BRSK1: variants seen among roughly 807,000 people sequenced by gnomAD.
The protein encoded by BRSK1 is serine/threonine-protein kinase BRSK1.
A neutral mutation model predicts 86.2 loss-of-function variants in BRSK1; 17 were observed. The ratio of observed to expected loss-of-function variants is 0.20; its 90% CI spans 0.14 to 0.30. BRSK1 has a LOEUF of 0.30. Ranked by LOEUF, BRSK1 falls within the 10% of genes least tolerant of loss-of-function variation. The probability of loss-of-function intolerance (pLI) is 1.00; values close to 1 mark genes in which losing one functional copy is unlikely to be tolerated. For missense variants in BRSK1, 719 were observed against 1,071.9 expected (o/e 0.67, Z 4.60); for synonymous variants, 464 against 440.1 (o/e 1.05, Z -0.68).
chr19:55,297,945 T>TG (rs143114704), intron 7 of BRSK1, among the ~76,000 whole-genome samples: 12,680 of 152,168 alleles, frequency 0.083, 912 homozygotes, highest in African/African-American at 0.19. Context: ...CCCAAGTAGC[T>TG]GGGACTACAG....
chr19:55,293,940 C>A (rs1229097632), intron 4 of BRSK1, 77 bp from the exon 5 acceptor site: 7 of 1,252,854 alleles, frequency 5.6e-6, no homozygotes, highest in Non-Finnish European at 7.8e-6. Context: ...AGAAGTGTTC[C>A]ACTGTGAGAG....
rs1218744009 is a variant in BRSK1 at position 55,294,751 on chromosome 19, C to T, written c.678+354C>T. ...TCCTGACCTCAGGTGATCCACCTGC[C>T]TCTGCCTCCCAAAGTGCTGGGATTC... On this transcript the variant is annotated intron_variant, in intron 7 of 18. Coordinates refer to ENST00000309383, the MANE Select transcript of BRSK1 (RefSeq NM_032430.2). The surrounding 1 kb of genome is among the most constrained non-coding windows in gnomAD (Gnocchi z 4.9). Among the ~76,000 whole-genome samples, 1 of 152,114 alleles carries T rather than the reference C, an allele frequency of 6.6e-6. No homozygotes were observed. Among genetic ancestry groups the T allele is most frequent in the African/African-American group, 2.4e-5 (1 of 41,414 alleles).
chr19:55,308,599 G>T (rs2088703561), intron 17 of BRSK1, 40 bp from the exon 18 acceptor site: 1 of 1,540,726 alleles, frequency 6.5e-7, no homozygotes, highest in South Asian at 1.1e-5. Context: ...CCCGGTCCTG[G>T]ACCCCCAGTC....
chr19:55,289,711 T>A, intron 4 of BRSK1, 91 bp downstream of exon 4: 1 of 1,502,754 alleles, frequency 6.7e-7, no homozygotes, highest in Non-Finnish European at 8.9e-7. Flanking sequence ...AAAAGCCATG[T>A]GGTCGGCCCC....
At chr19:55,311,882 C>T in intron 18 of BRSK1, 29 bp from the exon 19 acceptor site, 1 of 1,608,434 alleles carries the variant, frequency 6.2e-7, no homozygotes, top group African/African-American at 1.3e-5. Flanking sequence ...GGCTGCGGAA[C>T]CCACGAAAAA....
intron 7 of BRSK1, among the ~76,000 whole-genome samples, chr19:55,300,531 C>T (rs910385212): frequency 2.0e-5 from 3 of 151,950 alleles, no homozygotes; most frequent in African/African-American, 7.3e-5. Flanking sequence ...GGTGAAACCC[C>T]ATCTCTGCTA....
chr19:55,284,164 C>CG lies in BRSK1; in HGVS notation c.-273dup. On this transcript the variant is annotated 5_prime_UTR_variant, in exon 1 of 19. The change abolishes the stop of an existing upstream ORF in the 5' untranslated region. Coordinates refer to ENST00000309383, the MANE Select transcript of BRSK1 (RefSeq NM_032430.2). ...CCCCGGCGGGGGGAGGCGCAGGAAG[C>CG]GGGGGGCCGGCCAGAAACGGGCTGG... 6.1e-6 allele frequency: 5 copies of CG among 819,962 alleles called. No homozygotes were observed. The highest frequency in any genetic ancestry group is 6.1e-5 in the South Asian group (1 of 16,330). 50.8% of individuals were successfully genotyped at this position (819,962 alleles called of 1,614,324 possible). A position where few individuals can be genotyped will look rare whatever the true frequency, so the allele number is the denominator to read the frequency against.
rs773608737 is a variant in BRSK1, at chr19:55,305,427, T to G, written c.1767-36T>G. 5 of 1,613,924 alleles carry G rather than the reference T, an allele frequency of 3.1e-6. No individual in the cohort carries two copies. In the Admixed American group the frequency reaches 8.3e-5, roughly 27 times the overall value. On this transcript the variant is annotated intron_variant, in intron 15 of 18. Coordinates refer to ENST00000309383, the MANE Select transcript of BRSK1 (RefSeq NM_032430.2). ...GCAGGGGATTCATGCCCTCGGCGCC[T>G]TCCTAACCCTCCTCCAACCACCCCC... is the stretch of plus-strand genomic sequence containing the variant.
chr19:55,302,588 G>A lies in BRSK1; in HGVS notation c.858-109G>A. 1 of 1,401,090 alleles carries A rather than the reference G, an allele frequency of 7.1e-7. No homozygotes were observed. The allele number at this position is 1,401,090 out of a possible 1,614,324, so 86.8% of individuals were successfully genotyped here. ...CTGGATTCCTGGGTATGAGAGAGAA[G>A]GGGCCGGGGCCTAGACTCGGATTTC... On this transcript the variant is annotated intron_variant, in intron 9 of 18. Coordinates refer to ENST00000309383, the MANE Select transcript of BRSK1 (RefSeq NM_032430.2). The surrounding 1 kb of genome is among the most constrained non-coding windows in gnomAD (Gnocchi z 6.3).
chr19:55,295,424 C>T (rs73053167), intron 7 of BRSK1, among the ~76,000 whole-genome samples: 137 of 152,302 alleles, frequency 9.0e-4, no homozygotes, highest in Non-Finnish European at 1.4e-3. Flanking sequence ...GAACCCAGCC[C>T]ATCTCTCGAA....
chr19:55,286,068 A>G (rs1600167855), intron 1 of BRSK1, among the ~76,000 whole-genome samples: 1 of 18,544 alleles, frequency 5.4e-5, no homozygotes, highest in African/African-American at 2.5e-4. Context: ...GGTCTGAGGG[A>G]GGAGGGGCTG....
intron 3 of BRSK1, 92 bp from the exon 4 acceptor site, chr19:55,289,388 C>A: frequency 6.9e-7 from 1 of 1,456,436 alleles, no homozygotes; most frequent in Non-Finnish European, 9.3e-7. Context: ...AATTGGAGTT[C>A]TCTGCCACCA....
chr19:55,301,761 C>A, intron 8 of BRSK1, 103 bp downstream of exon 8: 1 of 1,364,246 alleles, frequency 7.3e-7, no homozygotes, highest in Non-Finnish European at 9.9e-7. Flanking sequence ...GCTCGTCAGT[C>A]CCCAGGGTGA....
chr19:55,304,639 C>T lies in BRSK1; in HGVS notation c.1436C>T (p.Pro479Leu). 2 of 1,529,760 alleles carry T rather than the reference C, an allele frequency of 1.3e-6. No individual in the cohort carries two copies. The highest frequency in any genetic ancestry group is 1.2e-5 in the South Asian group (1 of 80,334). 94.8% of individuals were successfully genotyped at this position (1,529,760 alleles called of 1,614,324 possible). ...CCGACTTCCAAAACGCAGACGCTGC[C>T]TTCTCGGGGCCCCAGGGGTGGGGGC... Reference protein sequence around the residue: ...GSPTSKTQTLPSRGPRGGGAG... With the variant: ...GSPTSKTQTLLSRGPRGGGAG... Residue 479 changes from proline to leucine, a missense_variant, in exon 14 of 19, where the codon CCT becomes CTT. Pro to Leu is a moderately conservative substitution (Grantham distance 98). Coordinates refer to ENST00000309383, the MANE Select transcript of BRSK1 (RefSeq NM_032430.2). This position sits in a 1 kb window ranked among gnomAD's most constrained non-coding sequence, Gnocchi z 5.2.
Position 55,312,096 on chromosome 19 carries a change from C to A in BRSK1, c.*28C>A. The A allele has an allele frequency of 9.5e-7, 1 of 1,050,010 alleles. No homozygotes were observed. The highest frequency in any genetic ancestry group is 1.3e-6 in the Non-Finnish European group (1 of 750,172). The allele number at this position is 1,050,010 out of a possible 1,614,324, so 65.0% of individuals were successfully genotyped here. A position where few individuals can be genotyped will look rare whatever the true frequency, so the allele number is the denominator to read the frequency against. Reference sequence around the variant, plus strand: ...CCACGGGGCCGGGGAGGGAGGGGACCCCCCTCCACCCCCCTTCCGTGCCCC... The same window carrying A: ...CCACGGGGCCGGGGAGGGAGGGGACACCCCTCCACCCCCCTTCCGTGCCCC... On this transcript the variant is annotated 3_prime_UTR_variant, in exon 19 of 19. Coordinates refer to ENST00000309383, the MANE Select transcript of BRSK1 (RefSeq NM_032430.2).
chr19:55,303,038 G>A lies in BRSK1; in HGVS notation c.1028+171G>A. The A allele has an allele frequency of 1.3e-6, 1 of 789,996 alleles. No homozygotes were observed. The highest frequency in any genetic ancestry group is 2.0e-6 in the Non-Finnish European group (1 of 507,342). The allele number at this position is 789,996 out of a possible 1,614,324, so 48.9% of individuals were successfully genotyped here. On this transcript the variant is annotated intron_variant, in intron 10 of 18. Coordinates refer to ENST00000309383, the MANE Select transcript of BRSK1 (RefSeq NM_032430.2). This position sits in a 1 kb window ranked among gnomAD's most constrained non-coding sequence, Gnocchi z 5.1. ...GGAGAAAACGGCCCAGAAACACGCT[G>A]AGAAAGTATTAATAGATGCTGCGAC...
Position 55,305,389 on chromosome 19 carries a change from A to G in BRSK1, c.1766+20A>G, listed in dbSNP as rs766452788. 2.8e-5 allele frequency: 45 copies of G among 1,614,036 alleles called. No individual in the cohort carries two copies. In the East Asian group the frequency reaches 7.4e-4, roughly 26 times the overall value. ...CCCGGAGTGAGTCTCACAGGGAAGGAAAGAGTGGGGATGCAGGGGATTCAT... is the reference window on the plus strand; with the variant it reads ...CCCGGAGTGAGTCTCACAGGGAAGGGAAGAGTGGGGATGCAGGGGATTCAT... On this transcript the variant is annotated intron_variant, in intron 15 of 18. Coordinates refer to ENST00000309383, the MANE Select transcript of BRSK1 (RefSeq NM_032430.2).
chr19:55,287,231 C>T lies in BRSK1; in HGVS notation c.249C>T (p.Ala83=). ...SVLMKVEREI[A]ILKLIEHPHV... ...ACCCTCAGGTGGAGCGGGAGATCGC[C>T]ATCCTGAAGCTCATCGAACACCCAC... Residue 83 remains alanine, a synonymous_variant, in exon 3 of 19, where the codon GCC becomes GCT. Coordinates refer to ENST00000309383, the MANE Select transcript of BRSK1 (RefSeq NM_032430.2). This position sits in a 1 kb window ranked among gnomAD's most constrained non-coding sequence, Gnocchi z 5.3. The T allele has an allele frequency of 6.2e-7, 1 of 1,614,078 alleles. No individual in the cohort carries two copies.
chr19:55,290,373 T>TTCTAGGAACAAGAGATTAC (rs1276324150), intron 4 of BRSK1, among the ~76,000 whole-genome samples: 1 of 152,196 alleles, frequency 6.6e-6, no homozygotes, highest in African/African-American at 2.4e-5. Flanking sequence ...CAATTTTTTA[T>TTCTAGGAACAAGAGATTAC]TCTAGGAACA....
Sources: gnomAD v4.1 joint callset for allele counts (sites outside exome capture counted in the v4.1 genomes callset) on GRCh38, gnomAD v4.1.1 for gene constraint, Gnocchi (gnomAD v3.1) non-coding constraint, MANE v1.5 for transcripts, NCBI Gene and HGNC (gene_info 2026-07-23, HGNC 2026-07-21) for gene names.